The following PPP2R3A variants were observed in gnomAD, a reference collection of about 807,000 sequenced individuals.
The protein encoded by PPP2R3A is serine/threonine-protein phosphatase 2A regulatory subunit B'' subunit alpha.
PPP2R3A carries 80 observed loss-of-function variants against 106.9 expected under a neutral mutation model. The observed-to-expected ratio is 0.75, with a 90% CI of 0.62 to 0.90. The LOEUF is 0.90. Among genes scored for constraint, PPP2R3A ranks in the 40% least tolerant of loss-of-function variants. PPP2R3A has a pLI of 0.00. For missense variants in PPP2R3A, 1,386 were observed against 1,350.4 expected (o/e 1.03, Z -0.41); for synonymous variants, 483 against 468.3 (o/e 1.03, Z -0.41).
At chr3:136,013,180 G>GTATA (rs1553743235) in intron 2 of PPP2R3A, among the ~76,000 whole-genome samples, 2 of 142,168 alleles carry the variant, frequency 1.4e-5, no homozygotes, top group Admixed American at 1.4e-4. Flanking sequence ...GTGTGTGTGT[G>GTATA]TGTATGTATG....
chr3:136,020,378 G>A (rs1410045240), intron 2 of PPP2R3A, among the ~76,000 whole-genome samples: 1 of 151,990 alleles, frequency 6.6e-6, no homozygotes, highest in East Asian at 1.9e-4. Context: ...TTAGAGTTCT[G>A]TGACATATTT....
At chr3:135,990,890 T>C (rs555649089) in intron 1 of PPP2R3A, among the ~76,000 whole-genome samples, 1 of 152,212 alleles carries the variant, frequency 6.6e-6, no homozygotes, top group African/African-American at 2.4e-5. Context: ...CAGCCACAAT[T>C]TGTAACCTCT....
chr3:136,028,177 A>G (rs1934735701), intron 3 of PPP2R3A, among the ~76,000 whole-genome samples: 1 of 152,154 alleles, frequency 6.6e-6, no homozygotes, highest in African/African-American at 2.4e-5. Context: ...CCTCCTCAGC[A>G]TCCACTTTGT....
At chr3:136,098,246 G>A (rs1238388789) in intron 10 of PPP2R3A, among the ~76,000 whole-genome samples, 1 of 152,164 alleles carries the variant, frequency 6.6e-6, no homozygotes, top group Admixed American at 6.5e-5. Flanking sequence ...AGCCCAAGAG[G>A]TTGAGGCTGC....
chr3:136,026,126 T>C (rs1331665599), intron 2 of PPP2R3A, among the ~76,000 whole-genome samples: 3 of 152,190 alleles, frequency 2.0e-5, no homozygotes, highest in Non-Finnish European at 2.9e-5. Flanking sequence ...AAATGAGTTA[T>C]TAAACTGTAA....
intron 10 of PPP2R3A, among the ~76,000 whole-genome samples, chr3:136,098,018 C>G (rs1442621949): frequency 6.6e-6 from 1 of 152,210 alleles, no homozygotes; most frequent in Non-Finnish European, 1.5e-5. Flanking sequence ...ACCTCACATT[C>G]ATTAGGTTCA....
chr3:136,115,472 A>G (rs998740951), intron 13 of PPP2R3A, among the ~76,000 whole-genome samples: 14 of 152,038 alleles, frequency 9.2e-5, no homozygotes, highest in African/African-American at 3.4e-4. Flanking sequence ...AACTTGTTCT[A>G]ACCCAATGCA....
At chr3:136,030,778 A>ATATG (rs1160535378) in intron 3 of PPP2R3A, among the ~76,000 whole-genome samples, 2,111 of 111,170 alleles carry the variant, frequency 0.019, 47 homozygotes, top group South Asian at 0.03. Flanking sequence ...ATATATATAT[A>ATATG]TATGTATGTA....
chr3:135,973,078 A>G (rs1937292810), intron 1 of PPP2R3A, among the ~76,000 whole-genome samples: 1 of 152,152 alleles, frequency 6.6e-6, no homozygotes, highest in Admixed American at 6.6e-5. Flanking sequence ...AGTTCTTAAC[A>G]TTTAGCTATT....
intron 2 of PPP2R3A, among the ~76,000 whole-genome samples, chr3:136,009,979 G>A (rs938513695): frequency 6.6e-6 from 1 of 152,124 alleles, no homozygotes; most frequent in Non-Finnish European, 1.5e-5. Context: ...CCTCCAGTGG[G>A]TCTTTAGTAC....
chr3:136,058,670 T>G (rs938646230), intron 5 of PPP2R3A, among the ~76,000 whole-genome samples: 1 of 151,962 alleles, frequency 6.6e-6, no homozygotes, highest in South Asian at 2.1e-4. Context: ...AAAATTAATA[T>G]GGAACGAAAA....
intron 13 of PPP2R3A, among the ~76,000 whole-genome samples, chr3:136,128,043 G>A (rs1054283670): frequency 8.6e-5 from 13 of 151,990 alleles, no homozygotes; most frequent in South Asian, 8.3e-4. Context: ...CAACCGGAAC[G>A]ACCCACTGCA....
chr3:136,083,905 G>T (rs1174034222), intron 8 of PPP2R3A, among the ~76,000 whole-genome samples: 1 of 152,240 alleles, frequency 6.6e-6, no homozygotes, highest in Non-Finnish European at 1.5e-5. Context: ...TGAAAGAGAT[G>T]ATTTGGGGTA....
intron 1 of PPP2R3A, among the ~76,000 whole-genome samples, chr3:135,970,376 C>G (rs1443425936): frequency 2.0e-5 from 3 of 152,130 alleles, no homozygotes; most frequent in African/African-American, 7.2e-5. Flanking sequence ...TACTTGTATA[C>G]AGGTGTGCGA....
intron 2 of PPP2R3A, among the ~76,000 whole-genome samples, chr3:136,014,925 A>G (rs1242143980): frequency 6.6e-6 from 1 of 152,136 alleles, no homozygotes; most frequent in Non-Finnish European, 1.5e-5. Context: ...GAGTCCTTTC[A>G]ACTTTTCCTT....
intron 5 of PPP2R3A, among the ~76,000 whole-genome samples, chr3:136,067,498 C>G (rs1468933885): frequency 6.6e-6 from 1 of 152,110 alleles, no homozygotes; most frequent in Admixed American, 6.5e-5. Context: ...AAGTGGACTC[C>G]TTGAGTTTAG....
chr3:135,973,846 A>G (rs945364419), intron 1 of PPP2R3A, among the ~76,000 whole-genome samples: 7 of 152,194 alleles, frequency 4.6e-5, no homozygotes, highest in Non-Finnish European at 7.4e-5. Flanking sequence ...GCCTTTTAAT[A>G]TAAGACCAAA....
intron 13 of PPP2R3A, among the ~76,000 whole-genome samples, chr3:136,115,643 G>T (rs528382064): frequency 6.6e-6 from 1 of 151,578 alleles, no homozygotes; most frequent in African/African-American, 2.4e-5. Context: ...CAGAAGAAAG[G>T]ATATCAGACA....
chr3:136,109,211 A>G (rs930745247), intron 13 of PPP2R3A, among the ~76,000 whole-genome samples: 4 of 152,180 alleles, frequency 2.6e-5, no homozygotes, highest in Non-Finnish European at 5.9e-5. Flanking sequence ...TCAAAAGCTG[A>G]TAAGTTGGGG....
Sources: gnomAD v4.1 joint callset for allele counts (sites outside exome capture counted in the v4.1 genomes callset) on GRCh38, gnomAD v4.1.1 for gene constraint, MANE v1.5 for transcripts, NCBI Gene and HGNC (gene_info 2026-07-23, HGNC 2026-07-21) for gene names.